RIT2: variants seen among roughly 807,000 people sequenced by gnomAD.
RIT2 encodes the protein Ras like without CAAX 2, also known as GTP-binding protein Rit2.
Under a neutral mutation model 23.7 loss-of-function variants are expected in RIT2, and 24 were observed. That is an observed-to-expected ratio of 1.01 (90% CI 0.73 to 1.43). The LOEUF (loss-of-function observed/expected upper bound fraction) is 1.43, where lower values mean the gene tolerates loss of function less well. RIT2 is among the 40% of genes most tolerant of loss of function. RIT2 has a pLI of 0.00. For missense variants in RIT2, 236 were observed against 266.9 expected (o/e 0.88, Z 0.81); for synonymous variants, 107 against 91.1 (o/e 1.17, Z -0.99).
chr18:42,837,140 T>C (rs1906627565), intron 4 of RIT2, among the ~76,000 whole-genome samples: 2 of 142,314 alleles, frequency 1.4e-5, no homozygotes, highest in Non-Finnish European at 3.0e-5. Flanking sequence ...AAAATTTCTT[T>C]TTTTTTCTTT....
At chr18:42,971,910 G>C (rs752909702) in intron 3 of RIT2, among the ~76,000 whole-genome samples, 1 of 152,018 alleles carries the variant, frequency 6.6e-6, no homozygotes, top group Admixed American at 6.6e-5. Flanking sequence ...ATAGAAAGGA[G>C]AAATATATTG....
chr18:43,037,572 T>G, intron 1 of RIT2, among the ~76,000 whole-genome samples: 1 of 152,212 alleles, frequency 6.6e-6, no homozygotes, highest in East Asian at 1.9e-4. Context: ...GTACTCATGT[T>G]CTTATTCTTG....
chr18:42,944,690 T>C (rs1315908731), intron 3 of RIT2, among the ~76,000 whole-genome samples: 1 of 152,152 alleles, frequency 6.6e-6, no homozygotes, highest in Non-Finnish European at 1.5e-5. Context: ...GATGATGATG[T>C]TTTGTTTTTA....
intron 1 of RIT2, among the ~76,000 whole-genome samples, chr18:43,068,508 A>G (rs574044664): frequency 6.6e-6 from 1 of 152,238 alleles, no homozygotes; most frequent in Admixed American, 6.6e-5. Flanking sequence ...TATGAGTGAC[A>G]TAGAAATCAG....
chr18:42,990,884 G>C (rs1471119587), intron 2 of RIT2, among the ~76,000 whole-genome samples: 1 of 149,924 alleles, frequency 6.7e-6, no homozygotes, highest in East Asian at 2.0e-4. Flanking sequence ...GACACCAAAA[G>C]CTGCTCCTAT....
chr18:43,051,762 G>T (rs1403448337), intron 1 of RIT2, among the ~76,000 whole-genome samples: 1 of 152,114 alleles, frequency 6.6e-6, no homozygotes, highest in Non-Finnish European at 1.5e-5. Flanking sequence ...ACTCAGGAGG[G>T]ATATAAGCCT....
At chr18:42,753,622 T>C (rs1218536262) in intron 4 of RIT2, among the ~76,000 whole-genome samples, 4 of 152,208 alleles carry the variant, frequency 2.6e-5, no homozygotes, top group African/African-American at 9.6e-5. Flanking sequence ...CATTATGCAG[T>C]CTACATCATC....
intron 4 of RIT2, among the ~76,000 whole-genome samples, chr18:42,812,292 C>T (rs1905873454): frequency 6.6e-6 from 1 of 152,066 alleles, no homozygotes; most frequent in South Asian, 2.1e-4. Context: ...CACAGTAGTC[C>T]AGAAATGGAG....
chr18:42,757,899 A>G (rs1176737622), intron 4 of RIT2, among the ~76,000 whole-genome samples: 2 of 152,152 alleles, frequency 1.3e-5, no homozygotes, highest in African/African-American at 2.4e-5. Context: ...CTAGAAACTC[A>G]TCTGTATTAT....
In RIT2 at chr18:42,937,006, C is replaced by T. The variant is rs185448956; in HGVS notation, c.235-13243G>A. Among the ~76,000 whole-genome samples, 223 of 144,932 alleles carry T rather than the reference C, an allele frequency of 1.5e-3. 1 individual carries two copies. The highest frequency in any genetic ancestry group is 2.8e-3 in the Non-Finnish European group (187 of 66,558). On this transcript the variant is annotated intron_variant, in intron 3 of 4. Transcript: ENST00000326695. ...CAGCCTGGGCAACAAGAGCAAAACT[C>T]AACTTAAAAAAAAAAAAAAAGGAGA...
chr18:42,965,771 C>T (rs9304289), intron 3 of RIT2, among the ~76,000 whole-genome samples: 22,164 of 111,574 alleles, frequency 0.2, 2,001 homozygotes, highest in Middle Eastern at 0.35. Context: ...ATTTTACCAA[C>T]CTGAGTATTT....
At chr18:42,960,827 A>G (rs1910078695) in intron 3 of RIT2, among the ~76,000 whole-genome samples, 1 of 152,200 alleles carries the variant, frequency 6.6e-6, no homozygotes, top group African/African-American at 2.4e-5. Flanking sequence ...TTTTTTATGA[A>G]GAAGGTATAC....
chr18:43,101,982 T>C (rs921238728), intron 1 of RIT2, among the ~76,000 whole-genome samples: 1 of 152,214 alleles, frequency 6.6e-6, no homozygotes, highest in Non-Finnish European at 1.5e-5. Context: ...GTTTTCTGTA[T>C]GTTTATTTGC....
At chr18:43,069,005 G>T (rs1568072794) in intron 1 of RIT2, among the ~76,000 whole-genome samples, 2 of 152,154 alleles carry the variant, frequency 1.3e-5, no homozygotes, top group Non-Finnish European at 2.9e-5. Context: ...GACGTTTCCG[G>T]TTAAGGGAAC....
intron 3 of RIT2, among the ~76,000 whole-genome samples, 199 bp downstream of exon 3, chr18:42,973,875 T>G (rs1211067674): frequency 6.6e-6 from 1 of 150,638 alleles, no homozygotes; most frequent in Non-Finnish European, 1.5e-5. Context: ...ATGGACTCTT[T>G]TATTTTTAGA....
intron 3 of RIT2, among the ~76,000 whole-genome samples, chr18:42,966,395 C>A (rs1910225219): frequency 6.6e-6 from 1 of 152,032 alleles, no homozygotes; most frequent in African/African-American, 2.4e-5. Flanking sequence ...TTTAGAGAAT[C>A]TTGGTAGTCA....
intron 4 of RIT2, among the ~76,000 whole-genome samples, chr18:42,782,033 G>T: frequency 6.6e-6 from 1 of 152,096 alleles, no homozygotes; most frequent in Admixed American, 6.6e-5. Flanking sequence ...TTAGCTTCAA[G>T]TTTCAGAAAA....
At chr18:42,898,115 T>TG (rs1946133172) in intron 4 of RIT2, among the ~76,000 whole-genome samples, 1 of 152,138 alleles carries the variant, frequency 6.6e-6, no homozygotes, top group African/African-American at 2.4e-5. Context: ...TTGAAAAGTG[T>TG]GGGCGGCCGG....
intron 4 of RIT2, among the ~76,000 whole-genome samples, chr18:42,854,437 C>T (rs1164542847): frequency 2.0e-5 from 3 of 152,070 alleles, no homozygotes; most frequent in Non-Finnish European, 4.4e-5. Flanking sequence ...AAAATTCCAC[C>T]TCACTTTTCC....
Sources: gnomAD v4.1 joint callset for allele counts (sites outside exome capture counted in the v4.1 genomes callset) on GRCh38, gnomAD v4.1.1 for gene constraint, MANE v1.5 for transcripts, NCBI Gene and HGNC (gene_info 2026-07-23, HGNC 2026-07-21) for gene names.